Variants in FMN1 observed in about 807,000 individuals in gnomAD.
The protein encoded by FMN1 is formin 1, also known as formin-1.
In FMN1, 110 loss-of-function variants were observed where a neutral mutation model predicts 132.4. The observed-to-expected ratio is 0.83, with a 90% CI of 0.71 to 0.97. The LOEUF is 0.97. Among genes scored for constraint, FMN1 ranks in the 50% least tolerant of loss-of-function variants. The pLI is 0.00. For synonymous variants in FMN1, 722 were observed against 651.7 expected (o/e 1.11, Z -1.64); for missense variants, 1,792 against 1,705.3 (o/e 1.05, Z -0.90).
rs564605871 is a variant in FMN1, at chr15:33,128,042, A to G, written c.1867+25006T>C. Among the ~76,000 whole-genome samples the G allele has an allele frequency of 1.9e-4, 29 of 152,294 alleles. No individual in the cohort carries two copies. In the Middle Eastern group the frequency reaches 0.01, roughly 54 times the overall value. On this transcript the variant is annotated intron_variant, in intron 4 of 20. Transcript: ENST00000616417. Reference sequence around the variant, plus strand: ...TCATAGCAGAATGCCCAGACACGACACAGGTCAGGTGACAGAAAGGACAAA... The same window carrying G: ...TCATAGCAGAATGCCCAGACACGACGCAGGTCAGGTGACAGAAAGGACAAA...
chr15:33,013,363 A>G (rs1399947146), intron 6 of FMN1, among the ~76,000 whole-genome samples: 3 of 152,216 alleles, frequency 2.0e-5, no homozygotes, highest in Non-Finnish European at 1.5e-5. Context: ...ATCAATTGCT[A>G]AATGTAATAG....
intron 15 of FMN1, among the ~76,000 whole-genome samples, chr15:32,892,260 C>CA (rs1389902580): frequency 3.3e-5 from 5 of 152,114 alleles, no homozygotes; most frequent in Non-Finnish European, 7.3e-5. Flanking sequence ...GAGTTTTAAT[C>CA]ATAAAGGAAT....
At position 32,900,099 on chromosome 15, in the gene FMN1, C is replaced by A; in HGVS notation, c.3534G>T (p.Lys1178Asn). The A allele has an allele frequency of 6.2e-7, 1 of 1,613,818 alleles. No individual in the cohort carries two copies. Among genetic ancestry groups the A allele is most frequent in the Non-Finnish European group, 8.5e-7 (1 of 1,179,848 alleles). ...SKDLLHVKSV[K>N]DILALILAFG... ...AAGCCAAGATGAGAGCTAAAATATC[C>A]TTCACGCTCTTCACGTGCAGCAAGT... is the stretch of plus-strand genomic sequence containing the variant. The change falls in exon 14 of 21, where the codon AAG becomes AAT. Residue 1178 changes from lysine (K) to asparagine (N), a missense_variant. By Grantham distance (94) the Lys-to-Asn change is moderately conservative (BLOSUM62 0). Transcript: ENST00000616417.
rs1264227114 is a variant in FMN1 at position 32,950,479 on chromosome 15, T to TACATATACC, written c.3138+13627_3138+13628insGGTATATGT. 2.0e-5 allele frequency among the ~76,000 whole-genome samples: 3 copies of TACATATACC among 152,210 alleles called. No homozygotes were observed. The East Asian group carries it at 5.8e-4, about 29-fold the overall frequency. The stretch of plus-strand genomic sequence containing the variant: ...ACAGACTGGATTTTAAAAAATGTGG[T>TACATATACC]ACATATACACTATGGAATACCATGC... On this transcript the variant is annotated intron_variant, in intron 9 of 20. Coordinates refer to ENST00000616417, the MANE Select transcript of FMN1 (RefSeq NM_001277313.2).
intron 16 of FMN1, among the ~76,000 whole-genome samples, chr15:32,885,072 G>T (rs1053958184): frequency 2.0e-5 from 3 of 152,176 alleles, no homozygotes; most frequent in African/African-American, 7.2e-5. Context: ...CTACGATTAT[G>T]CTACTTGACA....
chr15:32,962,105 TTTATTATTATTA>T lies in FMN1; in HGVS notation c.3138+1990_3138+2001del, dbSNP rs10645453. 4.6e-5 allele frequency among the ~76,000 whole-genome samples: 7 copies of T among 150,862 alleles called. No homozygotes were observed. The East Asian group carries it at 1.4e-3, about 29-fold the overall frequency. Reference sequence around the variant, plus strand: ...TAATATAAGCTCCACAGGGCAAGGATTTATTATTATTATTATTATTATTATTTTACTTTTATT... The same window carrying T: ...TAATATAAGCTCCACAGGGCAAGGATTTATTATTATTATTTTACTTTTATT... On this transcript the variant is annotated intron_variant, in intron 9 of 20. Transcript: ENST00000616417.
chr15:32,809,497 T>TC lies in FMN1; in HGVS notation c.3929-5166dup, dbSNP rs1473312281. 2.6e-5 allele frequency among the ~76,000 whole-genome samples: 4 copies of TC among 152,254 alleles called. No individual in the cohort carries two copies. In the East Asian group the frequency reaches 7.7e-4, roughly 29 times the overall value. On this transcript the variant is annotated intron_variant, in intron 17 of 20. Coordinates refer to ENST00000616417, the MANE Select transcript of FMN1 (RefSeq NM_001277313.2). ...CCTGCCTCCTGCCATCCCCATACTA[T>TC]CATCCCCAGAGCTCCTGCTGCGTGG...
At chr15:32,883,027 G>A (rs1344519292) in intron 16 of FMN1, among the ~76,000 whole-genome samples, 1 of 152,208 alleles carries the variant, frequency 6.6e-6, no homozygotes, top group Non-Finnish European at 1.5e-5. Context: ...AGCTGCTGAA[G>A]AGCAGGGACA....
At chr15:32,811,167 G>C in intron 17 of FMN1, 1 of 450,554 alleles carries the variant, frequency 2.2e-6, no homozygotes, top group Non-Finnish European at 4.5e-6. Context: ...TTGTGATGCA[G>C]AGTTCTTACC....
chr15:33,039,883 C>T (rs1869663), intron 6 of FMN1, among the ~76,000 whole-genome samples: 28,131 of 152,136 alleles, frequency 0.18, 2,786 homozygotes, highest in Middle Eastern at 0.24. Flanking sequence ...CCCAAACTGG[C>T]CTTCCTACTT....
chr15:32,996,492 C>A (rs2033776722), intron 7 of FMN1, among the ~76,000 whole-genome samples: 3 of 152,156 alleles, frequency 2.0e-5, no homozygotes, highest in African/African-American at 7.2e-5. Flanking sequence ...AAAGTCACAT[C>A]AGGAATATTC....
intron 5 of FMN1, among the ~76,000 whole-genome samples, chr15:33,070,248 G>A (rs985600509): frequency 1.3e-5 from 2 of 151,362 alleles, no homozygotes; most frequent in African/African-American, 4.9e-5. Flanking sequence ...CAGGTGATCC[G>A]CCCGCCTCGG....
intron 7 of FMN1, among the ~76,000 whole-genome samples, chr15:32,977,168 TAAC>T (rs2032277303): frequency 6.6e-6 from 1 of 152,196 alleles, no homozygotes; most frequent in Admixed American, 6.5e-5. Flanking sequence ...CATATAATTA[TAAC>T]AACAATCTGT....
intron 3 of FMN1, among the ~76,000 whole-genome samples, chr15:33,175,626 A>G (rs1965488946): frequency 1.3e-5 from 2 of 152,162 alleles, no homozygotes; most frequent in African/African-American, 4.8e-5. Flanking sequence ...CACTTTACAC[A>G]GTGTGGGCTA....
Position 33,109,139 on chromosome 15 carries a change from T to C in FMN1, c.1868-20165A>G, listed in dbSNP as rs1220228152. ...TGGTCTAGAGTGTGCTAGACTCTAT[T>C]CAAGACAAAGATGGATACTTGGTTT... On this transcript the variant is annotated intron_variant, in intron 4 of 20. Coordinates refer to ENST00000616417, the MANE Select transcript of FMN1 (RefSeq NM_001277313.2). 2.0e-5 allele frequency among the ~76,000 whole-genome samples: 3 copies of C among 152,106 alleles called. No individual in the cohort carries two copies. The East Asian group carries it at 5.8e-4, about 29-fold the overall frequency.
At chr15:33,030,991 C>T (rs2035911109) in intron 6 of FMN1, among the ~76,000 whole-genome samples, 2 of 151,830 alleles carry the variant, frequency 1.3e-5, no homozygotes, top group South Asian at 4.2e-4. Context: ...CCCCACCCCC[C>T]GACAGGCCCT....
intron 7 of FMN1, among the ~76,000 whole-genome samples, chr15:32,976,208 G>C (rs1227476074): frequency 2.0e-5 from 3 of 152,128 alleles, no homozygotes; most frequent in Non-Finnish European, 4.4e-5. Context: ...CTAGGCTGGG[G>C]AAAGCTAGGC....
chr15:33,128,801 T>C (rs566393020), intron 4 of FMN1, among the ~76,000 whole-genome samples: 4 of 152,246 alleles, frequency 2.6e-5, no homozygotes, highest in Non-Finnish European at 5.9e-5. Flanking sequence ...CAGCAAGATT[T>C]ACTGTCACGA....
At chr15:32,801,789 C>T (rs2057491203) in intron 18 of FMN1, among the ~76,000 whole-genome samples, 2 of 151,370 alleles carry the variant, frequency 1.3e-5, no homozygotes, top group African/African-American at 2.5e-5. Context: ...AATGAGACTC[C>T]GTCTCAAAAA....
Sources: allele counts gnomAD v4.1 joint callset (sites outside exome capture counted in the v4.1 genomes callset), GRCh38; gene constraint gnomAD v4.1.1; transcripts MANE v1.5; gene names NCBI Gene and HGNC (gene_info 2026-07-23, HGNC 2026-07-21).